Variants in ANXA10 observed in about 807,000 individuals in gnomAD.
ANXA10 encodes annexin A10.
ANXA10 carries 49 observed loss-of-function variants against 53.5 expected under a neutral mutation model. That is an observed-to-expected ratio of 0.92 (90% CI 0.73 to 1.16). The LOEUF (loss-of-function observed/expected upper bound fraction) is 1.16, where lower values mean the gene tolerates loss of function less well. Ranked by LOEUF, ANXA10 falls within the 50% of genes most tolerant of loss-of-function variation. The pLI, the probability that ANXA10 is intolerant of heterozygous loss-of-function variation, is 0.00. For synonymous variants in ANXA10, 131 were observed against 128.9 expected (o/e 1.02, Z -0.11); for missense variants, 393 against 394.4 (o/e 1.00, Z 0.03).
At chr4:168,163,600 G>A (rs1017927409) in intron 4 of ANXA10, among the ~76,000 whole-genome samples, 9 of 152,116 alleles carry the variant, frequency 5.9e-5, no homozygotes, top group African/African-American at 1.9e-4. Context: ...TTAAACAAGT[G>A]TGTTTTATCA....
At chr4:168,099,029 T>C (rs1179247339) in intron 1 of ANXA10, among the ~76,000 whole-genome samples, 1 of 152,200 alleles carries the variant, frequency 6.6e-6, no homozygotes, top group Non-Finnish European at 1.5e-5. Flanking sequence ...GCTATTTTAT[T>C]TTTAAATAAG....
At chr4:168,136,195 C>T (rs544917944) in intron 2 of ANXA10, among the ~76,000 whole-genome samples, 10 of 152,286 alleles carry the variant, frequency 6.6e-5, no homozygotes, top group African/African-American at 2.4e-4. Flanking sequence ...TCTACATGAG[C>T]TTTGCAAAGA....
intron 3 of ANXA10, among the ~76,000 whole-genome samples, chr4:168,145,669 C>T (rs1040932633): frequency 6.6e-6 from 1 of 152,066 alleles, no homozygotes; most frequent in African/African-American, 2.4e-5. Context: ...GAGTGAAATC[C>T]CAAATTTTAC....
intron 3 of ANXA10, among the ~76,000 whole-genome samples, chr4:168,145,930 T>G (rs988808354): frequency 6.6e-6 from 1 of 152,048 alleles, no homozygotes; most frequent in African/African-American, 2.4e-5. Context: ...AGTGGCTTTT[T>G]TTTTTTCTTT....
chr4:168,106,163 G>A (rs1730716670), intron 1 of ANXA10, among the ~76,000 whole-genome samples: 1 of 152,022 alleles, frequency 6.6e-6, no homozygotes, highest in African/African-American at 2.4e-5. Context: ...TGTTGCAATT[G>A]TTGTTGGTAT....
At chr4:168,144,504 C>T (rs1731376957) in intron 3 of ANXA10, among the ~76,000 whole-genome samples, 2 of 152,178 alleles carry the variant, frequency 1.3e-5, no homozygotes, top group African/African-American at 4.8e-5. Context: ...TTACTTACCA[C>T]TAGAAAATTG....
At chr4:168,102,151 A>G (rs1730650731) in intron 1 of ANXA10, among the ~76,000 whole-genome samples, 1 of 152,132 alleles carries the variant, frequency 6.6e-6, no homozygotes. Context: ...CTTAGGGCAC[A>G]TCCCCTCTCT....
At chr4:168,142,112 A>G (rs1477029744) in intron 3 of ANXA10, among the ~76,000 whole-genome samples, 2 of 152,030 alleles carry the variant, frequency 1.3e-5, no homozygotes, top group Non-Finnish European at 2.9e-5. Flanking sequence ...CTACAGCATT[A>G]GGGATTCTAT....
intron 3 of ANXA10, among the ~76,000 whole-genome samples, chr4:168,142,404 C>T (rs921279274): frequency 2.0e-5 from 3 of 152,154 alleles, no homozygotes; most frequent in Non-Finnish European, 4.4e-5. Flanking sequence ...TGCCCCTCAC[C>T]ACCAGTCATG....
At chr4:168,183,758 A>C (rs1429153114) in intron 10 of ANXA10, among the ~76,000 whole-genome samples, 2 of 152,176 alleles carry the variant, frequency 1.3e-5, no homozygotes, top group African/African-American at 4.8e-5. Context: ...TCCTCCAGTG[A>C]ACTCTAAAGT....
At chr4:168,173,499 A>G (rs936342812) in intron 6 of ANXA10, among the ~76,000 whole-genome samples, 1 of 152,186 alleles carries the variant, frequency 6.6e-6, no homozygotes, top group South Asian at 2.1e-4. Context: ...AAAAGACTAC[A>G]GGGAGCCAAA....
chr4:168,173,600 G>A (rs1732059433), intron 6 of ANXA10, among the ~76,000 whole-genome samples: 1 of 152,214 alleles, frequency 6.6e-6, no homozygotes, highest in South Asian at 2.1e-4. Flanking sequence ...TGGCAGTGGT[G>A]ATAAGTGCCC....
chr4:168,097,770 G>A lies in ANXA10; in HGVS notation c.18+5052G>A, dbSNP rs114187831. Among the ~76,000 whole-genome samples, 278 of 152,142 alleles carry A rather than the reference G, an allele frequency of 1.8e-3. 1 individual carries two copies. The Middle Eastern group carries it at 0.02, about 11-fold the overall frequency. On this transcript the variant is annotated intron_variant, in intron 1 of 11. Transcript: ENST00000359299. ...CATAAACCCTGACCTCTTGAAACAT[G>A]TATTTCATTGACATATAAGATTCAT...
chr4:168,130,557 T>C (rs1337865863), intron 2 of ANXA10, among the ~76,000 whole-genome samples: 1 of 152,026 alleles, frequency 6.6e-6, no homozygotes, highest in African/African-American at 2.4e-5. Context: ...ATTTCTTTCT[T>C]AAAAGTTTGG....
intron 1 of ANXA10, among the ~76,000 whole-genome samples, chr4:168,107,264 G>C (rs775529654): frequency 1.3e-5 from 2 of 152,180 alleles, no homozygotes; most frequent in Non-Finnish European, 2.9e-5. Flanking sequence ...GGGGGCAACA[G>C]AGTAAAGGAA....
At chr4:168,180,427 C>T (rs1333053564) in intron 9 of ANXA10, among the ~76,000 whole-genome samples, 1 of 152,138 alleles carries the variant, frequency 6.6e-6, no homozygotes, top group Non-Finnish European at 1.5e-5. Context: ...TAGACCCCTG[C>T]CACAAAGCAG....
At chr4:168,178,157 A>G in intron 8 of ANXA10, 174 bp downstream of exon 8, 1 of 588,490 alleles carries the variant, frequency 1.7e-6, no homozygotes, top group Non-Finnish European at 3.0e-6. Flanking sequence ...TGACATTACT[A>G]AGGAATAAAT....
At chr4:168,120,323 GTTTT>G (rs1730963374) in intron 1 of ANXA10, among the ~76,000 whole-genome samples, 1 of 152,006 alleles carries the variant, frequency 6.6e-6, no homozygotes, top group South Asian at 2.1e-4. Flanking sequence ...TCCAAGCAAT[GTTTT>G]TCCACCTGTT....
At chr4:168,101,791 CAT>C (rs926306987) in intron 1 of ANXA10, among the ~76,000 whole-genome samples, 1 of 152,064 alleles carries the variant, frequency 6.6e-6, no homozygotes, top group African/African-American at 2.4e-5. Flanking sequence ...CATGTGTATG[CAT>C]ATATGTTTGC....
Sources: allele counts gnomAD v4.1 joint callset (sites outside exome capture counted in the v4.1 genomes callset), GRCh38; gene constraint gnomAD v4.1.1; transcripts MANE v1.5; gene names NCBI Gene and HGNC (gene_info 2026-07-23, HGNC 2026-07-21).